Variants in FBXO21 observed in about 807,000 individuals in gnomAD.
FBXO21 encodes F-box protein 21, also known as F-box only protein 21.
In FBXO21, 32 loss-of-function variants were observed where a neutral mutation model predicts 76.6. That is an observed-to-expected ratio of 0.42 (90% confidence interval 0.32 to 0.56). The LOEUF is 0.56. Among genes scored for constraint, FBXO21 ranks in the 20% least tolerant of loss-of-function variants. FBXO21 has a pLI of 0.16. For missense variants in FBXO21, 586 were observed against 797.3 expected, an observed-to-expected ratio of 0.73 and a Z score of 3.19; for synonymous variants, 328 against 311.5, an observed-to-expected ratio of 1.05 and a Z score of -0.56.
chr12:117,185,944 C>A (rs1447452412), intron 3 of FBXO21, among the ~76,000 whole-genome samples: 1 of 152,194 alleles, frequency 6.6e-6, no homozygotes, highest in Non-Finnish European at 1.5e-5. Flanking sequence ...GCAATCTCGG[C>A]TCACTGCAAC....
chr12:117,162,018 G>C (rs1029552837), intron 9 of FBXO21, among the ~76,000 whole-genome samples: 4 of 152,246 alleles, frequency 2.6e-5, no homozygotes, highest in East Asian at 1.9e-4. Flanking sequence ...GGAGGCATGG[G>C]AACGGGTCCT....
Position 117,145,434 on chromosome 12 carries a change from CTG to C in FBXO21, c.*651_*652del, listed in dbSNP as rs1284691566. On this transcript the variant is annotated 3_prime_UTR_variant, in exon 12 of 12. Transcript: ENST00000622495. ...CAAGAGAGGAATATGGAAGGGAAAA[CTG>C]TGTTATATTCCCATTTAAATTTAAA... The C allele has an allele frequency of 3.3e-5, 5 of 150,796 alleles. No individual in the cohort carries two copies. Among genetic ancestry groups the C allele is most frequent in the African/African-American group, 7.3e-5 (3 of 41,210 alleles). The allele number at this position is 150,796 out of a possible 1,614,324, so 9.3% of individuals were successfully genotyped here. A position where few individuals can be genotyped will look rare whatever the true frequency, so the allele number is the denominator to read the frequency against.
intron 3 of FBXO21, among the ~76,000 whole-genome samples, chr12:117,185,338 TTC>T (rs1212457286): frequency 5.3e-5 from 8 of 152,192 alleles, no homozygotes; most frequent in Non-Finnish European, 1.0e-4. Flanking sequence ...TGATAGATAT[TTC>T]TCTCTCCTAA....
At position 117,173,932 on chromosome 12, in the gene FBXO21, C is replaced by T. The variant is rs187127384; in HGVS notation, c.876+273G>A. Among the ~76,000 whole-genome samples, 292 of 152,116 alleles carry T rather than the reference C, an allele frequency of 1.9e-3. 6 individuals are homozygous for T. Among genetic ancestry groups the T allele is most frequent in the Admixed American group, 2.2e-3 (33 of 15,282 alleles). On this transcript the variant is annotated intron_variant, in intron 6 of 11. Transcript: ENST00000622495. ...GCCAAGGCAGGAGGATCACTTGAGG[C>T]CAGGAGTTTGAGACCAGGCTGGGCA...
At chr12:117,171,357 C>CAA (rs57835444) in intron 7 of FBXO21, among the ~76,000 whole-genome samples, 1,134 of 52,242 alleles carry the variant, frequency 0.022, 23 homozygotes, top group Non-Finnish European at 0.031. Context: ...GACCCTGTCT[C>CAA]AAAAAAAAAA....
chr12:117,178,359 T>C (rs1471102465), intron 3 of FBXO21, among the ~76,000 whole-genome samples: 1 of 152,120 alleles, frequency 6.6e-6, no homozygotes, highest in Non-Finnish European at 1.5e-5. Context: ...CATTCCTGTG[T>C]TGCAGCAACA....
intron 7 of FBXO21, among the ~76,000 whole-genome samples, chr12:117,168,529 A>C (rs1410395408): frequency 6.6e-6 from 1 of 152,122 alleles, no homozygotes; most frequent in Non-Finnish European, 1.5e-5. Context: ...ATCTCAAAAA[A>C]ATAAAAAAAA....
intron 11 of FBXO21, among the ~76,000 whole-genome samples, chr12:117,151,214 C>T (rs561477802): frequency 2.0e-5 from 3 of 152,128 alleles, no homozygotes; most frequent in East Asian, 1.9e-4. Flanking sequence ...TCGGAGCTTC[C>T]GAGAAGTCCA....
At chr12:117,171,358 A>AAC (rs1956117114) in intron 7 of FBXO21, among the ~76,000 whole-genome samples, 1 of 79,608 alleles carries the variant, frequency 1.3e-5, no homozygotes, top group Non-Finnish European at 3.0e-5. Flanking sequence ...ACCCTGTCTC[A>AAC]AAAAAAAAAA....
intron 11 of FBXO21, among the ~76,000 whole-genome samples, chr12:117,147,046 C>G (rs1237086970): frequency 6.6e-6 from 1 of 151,234 alleles, no homozygotes; most frequent in Non-Finnish European, 1.5e-5. Context: ...AGTTCAAGAC[C>G]AGCCTGACTA....
chr12:117,145,455 A>AT lies in FBXO21; in HGVS notation c.*631dup, dbSNP rs1030917672. The stretch of plus-strand genomic sequence containing the variant: ...AAAACTGTGTTATATTCCCATTTAA[A>AT]TTTAAAAAAAAAAGATAAAACACTT... On this transcript the variant is annotated 3_prime_UTR_variant, in exon 12 of 12. Coordinates refer to ENST00000622495, the MANE Select transcript of FBXO21 (RefSeq NM_015002.3). The AT allele has an allele frequency of 3.5e-5, 5 of 144,768 alleles. No individual in the cohort carries two copies. The highest frequency in any genetic ancestry group is 6.9e-5 in the Admixed American group (1 of 14,438). The allele number at this position is 144,768 out of a possible 1,614,324, so 9.0% of individuals were successfully genotyped here.
intron 11 of FBXO21, chr12:117,155,432 A>G (rs372131373): frequency 4.4e-6 from 1 of 227,902 alleles, no homozygotes; most frequent in Non-Finnish European, 8.9e-6. Context: ...AGGGAGCACT[A>G]GGGGGCCCCC....
Position 117,147,597 on chromosome 12 carries a change from C to CAAAAAA in FBXO21, c.1676-1326_1676-1321dup, listed in dbSNP as rs57318190. Reference sequence around the variant, plus strand: ...TGGGCAGCAGAGCAAGACTCCATCTCAAAAAAAAAAAAAAAAAAAAAGAGA... The same window carrying CAAAAAA: ...TGGGCAGCAGAGCAAGACTCCATCTCAAAAAAAAAAAAAAAAAAAAAAAAAAAGAGA... On this transcript the variant is annotated intron_variant, in intron 11 of 11. Coordinates refer to ENST00000622495, the MANE Select transcript of FBXO21 (RefSeq NM_015002.3). 3.1e-4 allele frequency among the ~76,000 whole-genome samples: 27 copies of CAAAAAA among 87,340 alleles called. 1 individual carries two copies. The highest frequency in any genetic ancestry group is 4.0e-4 in the Non-Finnish European group (18 of 45,056). 57.3% of individuals were successfully genotyped at this position (87,340 alleles called of 152,430 possible). A position where few individuals can be genotyped will look rare whatever the true frequency, so the allele number is the denominator to read the frequency against.
At chr12:117,155,118 A>G (rs922525097) in intron 11 of FBXO21, 2 of 152,298 alleles carry the variant, frequency 1.3e-5, no homozygotes, top group Non-Finnish European at 2.9e-5. Flanking sequence ...ATGCTTTGAC[A>G]GACATACACT....
At chr12:117,158,521 A>G (rs1013010361) in intron 9 of FBXO21, among the ~76,000 whole-genome samples, 2 of 151,808 alleles carry the variant, frequency 1.3e-5, no homozygotes, top group East Asian at 3.9e-4. Context: ...TCAGAGGGGA[A>G]AAAAAAATGC....
At chr12:117,184,048 T>C (rs1956260086) in intron 3 of FBXO21, among the ~76,000 whole-genome samples, 1 of 152,116 alleles carries the variant, frequency 6.6e-6, no homozygotes, top group South Asian at 2.1e-4. Context: ...GTTTGGATTA[T>C]AAGTAGCTTT....
chr12:117,181,829 T>C, intron 3 of FBXO21, among the ~76,000 whole-genome samples: 1 of 152,142 alleles, frequency 6.6e-6, no homozygotes, highest in East Asian at 1.9e-4. Flanking sequence ...TTTTGTATTT[T>C]CAGTAGAGAC....
intron 11 of FBXO21, 158 bp downstream of exon 11, chr12:117,155,633 C>G (rs1377657763): frequency 1.2e-6 from 1 of 824,626 alleles, no homozygotes; most frequent in Non-Finnish European, 1.9e-6. Context: ...GACCCAGCCA[C>G]GTTTAGCTGA....
chr12:117,167,117 T>C, intron 7 of FBXO21, 40 bp from the exon 8 acceptor site: 1 of 1,530,458 alleles, frequency 6.5e-7, no homozygotes, highest in Non-Finnish European at 9.0e-7. Flanking sequence ...GCTGAACAAC[T>C]CATTATTTTA....
Sources: gnomAD v4.1 joint callset for allele counts (sites outside exome capture counted in the v4.1 genomes callset) on GRCh38, gnomAD v4.1.1 for gene constraint, MANE v1.5 for transcripts, NCBI Gene and HGNC (gene_info 2026-07-23, HGNC 2026-07-21) for gene names.